The following VAV2 variants were observed in gnomAD, a reference collection of about 807,000 sequenced individuals.
The protein encoded by VAV2 is vav guanine nucleotide exchange factor 2.
VAV2 carries 67 observed loss-of-function variants against 132.5 expected under a neutral mutation model. The observed-to-expected ratio is 0.51, with a 90% CI of 0.42 to 0.62. The LOEUF is 0.62. Ranked by LOEUF, VAV2 falls within the 20% of genes least tolerant of loss-of-function variation. The probability of loss-of-function intolerance (pLI) is 0.00; values close to 1 mark genes in which losing one functional copy is unlikely to be tolerated. For missense variants in VAV2, 938 were observed against 1,153.6 expected, an observed-to-expected ratio of 0.81 and a Z score of 2.71; for synonymous variants, 492 against 443.5, an observed-to-expected ratio of 1.11 and a Z score of -1.37.
chr9:133,781,647 A>G (rs1253730888), intron 19 of VAV2, among the ~76,000 whole-genome samples: 2 of 152,228 alleles, frequency 1.3e-5, no homozygotes, highest in Admixed American at 1.3e-4. Context: ...GAAGGCTACA[A>G]TGGTCAAAGG....
At chr9:133,988,739 T>C (rs936895250) in intron 1 of VAV2, among the ~76,000 whole-genome samples, 11 of 152,024 alleles carry the variant, frequency 7.2e-5, no homozygotes, top group East Asian at 1.9e-4. Flanking sequence ...CTGGCCAACA[T>C]AGTGAAACCC....
Position 133,789,287 on chromosome 9 carries a change from C to A in VAV2, c.1245G>T (p.Arg415=). 3.1e-6 allele frequency: 5 copies of A among 1,614,130 alleles called. No individual in the cohort carries two copies. The highest frequency in any genetic ancestry group is 4.2e-6 in the Non-Finnish European group (5 of 1,180,024). ...RPKIDGELKV[R]SIVNHTKQDR... is the part of the protein sequence containing the mutation. ...CCTGCTTGGTGTGGTTGACTATGGA[C>A]CGGACTTTCAGTTCCCCGTCAATCT... The change falls in exon 14 of 30, where the codon CGG becomes CGT. Residue 415 remains arginine, a synonymous_variant. Transcript: ENST00000371850.
chr9:133,976,231 G>A (rs186075538), intron 1 of VAV2, among the ~76,000 whole-genome samples: 29 of 152,164 alleles, frequency 1.9e-4, no homozygotes, highest in South Asian at 4.2e-4. Flanking sequence ...TATGTTGGCC[G>A]CCTCTAGGGT....
intron 2 of VAV2, among the ~76,000 whole-genome samples, chr9:133,862,442 G>A (rs186262452): frequency 2.3e-4 from 35 of 152,348 alleles, no homozygotes; most frequent in Admixed American, 2.1e-3. Flanking sequence ...AGGCAGGTGC[G>A]GCCTCGACAT....
chr9:133,814,407 G>A (rs1193719176), intron 4 of VAV2, among the ~76,000 whole-genome samples: 67 of 152,214 alleles, frequency 4.4e-4, no homozygotes, highest in Admixed American at 4.2e-3. Flanking sequence ...GTGGCAGAGC[G>A]AGGCTGGCGG....
At position 133,967,353 on chromosome 9, in the gene VAV2, C is replaced by T. The variant is rs377606030; in HGVS notation, c.204+24722G>A. 5.2e-4 allele frequency among the ~76,000 whole-genome samples: 79 copies of T among 152,242 alleles called. 1 individual carries two copies. In the South Asian group the frequency reaches 0.016, roughly 30 times the overall value. The stretch of plus-strand genomic sequence containing the variant: ...CACTATAGGAAACAGTACAGAGGGT[C>T]CTCAAAAAACTAAAAAGAGATCTGC... On this transcript the variant is annotated intron_variant, in intron 1 of 29. Coordinates refer to ENST00000371850, the MANE Select transcript of VAV2 (RefSeq NM_001134398.2).
At chr9:133,975,053 C>T (rs192772861) in intron 1 of VAV2, among the ~76,000 whole-genome samples, 148 of 152,330 alleles carry the variant, frequency 9.7e-4, no homozygotes, top group Admixed American at 2.5e-3. Context: ...GCCCTTTTTA[C>T]GGCCTTTTCC....
rs1228100832 is a variant in VAV2, at chr9:133,884,629, T to C, written c.322-23197A>G. Among the ~76,000 whole-genome samples the C allele has an allele frequency of 6.6e-6, 1 of 152,108 alleles. No homozygotes were observed. Among genetic ancestry groups the C allele is most frequent in the Non-Finnish European group, 1.5e-5 (1 of 68,008 alleles). ...TGACCGCTTGGCACAGCTGCCTTTT[T>C]CTATATGCATAAGATGCTTCAATAA... is the stretch of plus-strand genomic sequence containing the variant. On this transcript the variant is annotated intron_variant, in intron 2 of 29. Coordinates refer to ENST00000371850, the MANE Select transcript of VAV2 (RefSeq NM_001134398.2). The surrounding 1 kb of genome is among the most constrained non-coding windows in gnomAD (Gnocchi z 5.3).
At chr9:133,782,471 G>T (rs1323986008) in intron 19 of VAV2, among the ~76,000 whole-genome samples, 2 of 152,202 alleles carry the variant, frequency 1.3e-5, no homozygotes. Flanking sequence ...CTGTGATGGG[G>T]ACAAGGGGGT....
intron 4 of VAV2, among the ~76,000 whole-genome samples, chr9:133,818,135 T>A (rs891751995): frequency 2.0e-5 from 3 of 151,924 alleles, no homozygotes; most frequent in Admixed American, 6.6e-5. Context: ...GGGGCCGAGG[T>A]GGGCAGATCA....
At chr9:133,983,055 G>A (rs909476030) in intron 1 of VAV2, among the ~76,000 whole-genome samples, 3 of 152,184 alleles carry the variant, frequency 2.0e-5, no homozygotes, top group Non-Finnish European at 2.9e-5. Context: ...CTGGGACACC[G>A]GCAGAGAAGG....
chr9:133,966,227 G>A (rs1782459585), intron 1 of VAV2, among the ~76,000 whole-genome samples: 1 of 152,226 alleles, frequency 6.6e-6, no homozygotes, highest in East Asian at 1.9e-4. Flanking sequence ...TCTGGGCAAA[G>A]ATTTTTTGGG....
At chr9:133,801,844 G>A (rs1440076394) in intron 9 of VAV2, among the ~76,000 whole-genome samples, 1 of 152,168 alleles carries the variant, frequency 6.6e-6, no homozygotes, top group East Asian at 1.9e-4. Context: ...GGGGCCTCCA[G>A]CAGCTGCAGG....
intron 16 of VAV2, 133 bp downstream of exon 16, chr9:133,787,113 T>A: frequency 1.0e-6 from 1 of 975,450 alleles, no homozygotes; most frequent in Non-Finnish European, 1.4e-6. Flanking sequence ...GGAAAGGGAG[T>A]GGAGGACGAA....
intron 2 of VAV2, among the ~76,000 whole-genome samples, chr9:133,887,744 C>A (rs990388650): frequency 6.6e-6 from 1 of 152,124 alleles, no homozygotes; most frequent in East Asian, 1.9e-4. Context: ...CAGCCTGACA[C>A]GGCGATCAGC....
intron 1 of VAV2, among the ~76,000 whole-genome samples, chr9:133,972,285 G>A (rs148521586): frequency 6.7e-4 from 102 of 152,290 alleles, no homozygotes; most frequent in Non-Finnish European, 9.1e-4. Flanking sequence ...CTCAGCTCCC[G>A]CTAACTAAAC....
intron 3 of VAV2, among the ~76,000 whole-genome samples, chr9:133,842,160 T>C (rs1271031408): frequency 1.3e-5 from 2 of 152,240 alleles, no homozygotes; most frequent in Admixed American, 6.5e-5. Flanking sequence ...AGGACAGTTT[T>C]TGTTTCCCAC....
At chr9:133,970,296 C>T (rs1041072090) in intron 1 of VAV2, among the ~76,000 whole-genome samples, 1 of 152,242 alleles carries the variant, frequency 6.6e-6, no homozygotes, top group African/African-American at 2.4e-5. Context: ...TGAGGAAAAC[C>T]CCCGCCCGCC....
rs139458505 is a variant in VAV2, at chr9:133,777,468, C to G, written c.1891-5G>C. 9.9e-4 allele frequency: 1,590 copies of G among 1,613,508 alleles called. 18 individuals carry two copies. In the African/African-American group the frequency reaches 0.019, roughly 19 times the overall value. Reference sequence around the variant, plus strand: ...CCTGGTTTGTACCAGACGACCCTGGCAGAGGAAAGAGATGGTTAGGACAAG... The same window carrying G: ...CCTGGTTTGTACCAGACGACCCTGGGAGAGGAAAGAGATGGTTAGGACAAG... On this transcript the variant is annotated splice_region_variant and splice_polypyrimidine_tract_variant and intron_variant, in intron 22 of 29. Transcript: ENST00000371850.
Sources: allele counts gnomAD v4.1 joint callset (sites outside exome capture counted in the v4.1 genomes callset), GRCh38; gene constraint gnomAD v4.1.1; non-coding constraint Gnocchi (gnomAD v3.1); transcripts MANE v1.5; gene names NCBI Gene and HGNC (gene_info 2026-07-23, HGNC 2026-07-21).